Variants in CDH8 observed in about 807,000 individuals in gnomAD.
CDH8 encodes cadherin-8.
Under a neutral mutation model 68.1 loss-of-function variants are expected in CDH8, and 17 were observed. The observed-to-expected ratio is 0.25, with a 90% confidence interval of 0.17 to 0.37. CDH8 has a LOEUF of 0.37. Ranked by LOEUF, CDH8 falls within the 10% of genes least tolerant of loss-of-function variation. CDH8 has a pLI of 1.00. For missense variants in CDH8, 763 were observed against 999.3 expected, an observed-to-expected ratio of 0.76 and a Z score of 3.19; for synonymous variants, 372 against 365.1, an observed-to-expected ratio of 1.02 and a Z score of -0.21.
rs73568794 is a variant in CDH8 at position 62,030,971 on chromosome 16, T to C, written c.-200+5109A>G. ...TGTTCAATTCAAATACAAAAATATA[T>C]GAAAGAAAAAGAAGGAGGGCAGGAA... On this transcript the variant is annotated intron_variant, in intron 1 of 11. Transcript: ENST00000577390. Among the ~76,000 whole-genome samples, 1,321 of 152,028 alleles carry C rather than the reference T, an allele frequency of 8.7e-3. 18 individuals carry two copies. Among genetic ancestry groups the C allele is most frequent in the African/African-American group, 0.03 (1,227 of 41,482 alleles).
At chr16:61,678,830 C>A (rs1035845997) in intron 10 of CDH8, among the ~76,000 whole-genome samples, 5 of 152,072 alleles carry the variant, frequency 3.3e-5, no homozygotes, top group African/African-American at 1.2e-4. Context: ...TTAAAGCAGT[C>A]CTTATTACTG....
chr16:61,921,225 G>A (rs2143407883), intron 2 of CDH8, among the ~76,000 whole-genome samples: 1 of 150,322 alleles, frequency 6.7e-6, no homozygotes, highest in East Asian at 2.0e-4. Flanking sequence ...TGCACAATGT[G>A]CACATGTACC....
chr16:61,834,894 C>A (rs115584613), intron 4 of CDH8, among the ~76,000 whole-genome samples: 35 of 152,026 alleles, frequency 2.3e-4, no homozygotes, highest in African/African-American at 8.2e-4. Context: ...TGGACAAAGT[C>A]CCGCAGCCTG....
intron 2 of CDH8, among the ~76,000 whole-genome samples, chr16:61,942,029 G>T (rs1006939407): frequency 5.9e-5 from 9 of 152,158 alleles, no homozygotes; most frequent in Non-Finnish European, 1.2e-4. Context: ...TAAATAGTGG[G>T]TAAGAAGTGG....
In CDH8 at chr16:61,648,605, C is replaced by A. The variant is rs1330142130; in HGVS notation, c.*5003G>T. 1.3e-5 allele frequency: 2 copies of A among 149,124 alleles called. No homozygotes were observed. The highest frequency in any genetic ancestry group is 1.5e-5 in the Non-Finnish European group (1 of 66,584). 9.2% of individuals were successfully genotyped at this position (149,124 alleles called of 1,614,324 possible). A position where few individuals can be genotyped will look rare whatever the true frequency, so the allele number is the denominator to read the frequency against. ...AAACCCAGACTCAAATAGTATTTAT[C>A]CATAGATAAAAAAAAAATTCAACAA... On this transcript the variant is annotated 3_prime_UTR_variant, in exon 12 of 12. Coordinates refer to ENST00000577390, the MANE Select transcript of CDH8 (RefSeq NM_001796.5).
At position 61,768,361 on chromosome 16, in the gene CDH8, T is replaced by C. The variant is rs56942704; in HGVS notation, c.1414+20985A>G. ...CTCTCTCTCTCTCTCTCTCTCTCTC[T>C]CTCTCTCCCTTTCTCTCTCTCTCTC... On this transcript the variant is annotated intron_variant, in intron 8 of 11. Transcript: ENST00000577390. Among the ~76,000 whole-genome samples the C allele has an allele frequency of 1.6e-3, 170 of 106,750 alleles. 1 individual carries two copies. The highest frequency in any genetic ancestry group is 4.8e-3 in the African/African-American group (113 of 23,596). The allele number at this position is 106,750 out of a possible 152,430, so 70.0% of individuals were successfully genotyped here.
chr16:61,699,417 A>C (rs958525099), intron 10 of CDH8, among the ~76,000 whole-genome samples: 5 of 152,240 alleles, frequency 3.3e-5, no homozygotes, highest in African/African-American at 1.2e-4. Flanking sequence ...TTACTTTTAA[A>C]GACACTGCAT....
chr16:61,719,972 A>G (rs1014015639), intron 9 of CDH8, among the ~76,000 whole-genome samples: 5 of 144,354 alleles, frequency 3.5e-5, no homozygotes, highest in African/African-American at 1.3e-4. Flanking sequence ...GTCTAATTTA[A>G]TGTCTCCCAA....
intron 2 of CDH8, among the ~76,000 whole-genome samples, chr16:61,944,890 T>G (rs1964777253): frequency 6.6e-6 from 1 of 151,928 alleles, no homozygotes; most frequent in African/African-American, 2.4e-5. Context: ...AAACAGAAAT[T>G]AAAGTAAAAA....
chr16:61,970,059 A>G (rs1965314099), intron 2 of CDH8, among the ~76,000 whole-genome samples: 1 of 152,242 alleles, frequency 6.6e-6, no homozygotes, highest in African/African-American at 2.4e-5. Context: ...TATTAGCTCT[A>G]TATTAAACAT....
chr16:61,661,050 C>T (rs1398382008), intron 10 of CDH8, among the ~76,000 whole-genome samples: 1 of 151,856 alleles, frequency 6.6e-6, no homozygotes, highest in African/African-American at 2.4e-5. Context: ...TAGTTTTTCT[C>T]CTTTTTTGTC....
In CDH8 at chr16:62,021,141, A is replaced by T. The variant is rs1478742884; in HGVS notation, c.252+11T>A. 1 of 1,613,078 alleles carries T rather than the reference A, an allele frequency of 6.2e-7. No individual in the cohort carries two copies. The highest frequency in any genetic ancestry group is 1.3e-5 in the African/African-American group (1 of 74,944). ...AGACCCTGAAATTGAGATCTTAAAAACAAAGCTTACCCGGCCAACAAGAAT... is the reference window on the plus strand; with the variant it reads ...AGACCCTGAAATTGAGATCTTAAAATCAAAGCTTACCCGGCCAACAAGAAT... On this transcript the variant is annotated intron_variant, in intron 2 of 11. Transcript: ENST00000577390.
Position 61,849,321 on chromosome 16 carries a change from GA to G in CDH8, c.667+7797del, listed in dbSNP as rs111348421. ...ATCTATGCCCATTACTGCATTAAAA[GA>G]AAAAAAAAAAGGAAATTGGATGAAG... is the stretch of plus-strand genomic sequence containing the variant. On this transcript the variant is annotated intron_variant, in intron 4 of 11. Transcript: ENST00000577390. Among the ~76,000 whole-genome samples, 879 of 140,648 alleles carry G rather than the reference GA, an allele frequency of 6.2e-3. 5 individuals carry two copies. The highest frequency in any genetic ancestry group is 0.038 in the Middle Eastern group (10 of 266). The allele number at this position is 140,648 out of a possible 152,430, so 92.3% of individuals were successfully genotyped here.
intron 3 of CDH8, among the ~76,000 whole-genome samples, chr16:61,884,605 C>T (rs1165909816): frequency 6.6e-6 from 1 of 152,062 alleles, no homozygotes; most frequent in Non-Finnish European, 1.5e-5. Flanking sequence ...AACTCCTGAC[C>T]TCAGGTGATC....
chr16:61,884,450 T>C (rs1295201137), intron 3 of CDH8, among the ~76,000 whole-genome samples: 4 of 151,730 alleles, frequency 2.6e-5, no homozygotes, highest in Admixed American at 6.6e-5. Context: ...CTCGGCTCAT[T>C]GCAACCTCTG....
At chr16:61,800,553 G>A (rs1961598643) in intron 7 of CDH8, among the ~76,000 whole-genome samples, 1 of 152,074 alleles carries the variant, frequency 6.6e-6, no homozygotes, top group Non-Finnish European at 1.5e-5. Context: ...GACCCATTAA[G>A]GACTTTCATA....
intron 8 of CDH8, among the ~76,000 whole-genome samples, chr16:61,751,799 A>T (rs1356678625): frequency 6.6e-6 from 1 of 152,126 alleles, no homozygotes; most frequent in African/African-American, 2.4e-5. Context: ...TCTAGTTCAA[A>T]TATTTGAAGA....
chr16:61,788,929 C>A (rs1220679721), intron 8 of CDH8, among the ~76,000 whole-genome samples: 1 of 151,826 alleles, frequency 6.6e-6, no homozygotes, highest in Non-Finnish European at 1.5e-5. Context: ...CTATATTTTC[C>A]ACATGTATGT....
chr16:61,752,504 C>A (rs1960194581), intron 8 of CDH8, among the ~76,000 whole-genome samples: 1 of 152,110 alleles, frequency 6.6e-6, no homozygotes, highest in African/African-American at 2.4e-5. Context: ...TTAAAGGAGA[C>A]AACCAACTGC....
Sources: gnomAD v4.1 joint callset for allele counts (sites outside exome capture counted in the v4.1 genomes callset) on GRCh38, gnomAD v4.1.1 for gene constraint, MANE v1.5 for transcripts, NCBI Gene and HGNC (gene_info 2026-07-23, HGNC 2026-07-21) for gene names.